Variants in GALNTL6 observed in about 807,000 individuals in gnomAD.
GALNTL6 encodes polypeptide N-acetylgalactosaminyltransferase like 6.
A neutral mutation model predicts 73.7 loss-of-function variants in GALNTL6; 46 were observed. That is an observed-to-expected ratio of 0.62 (90% confidence interval 0.49 to 0.80). The LOEUF (loss-of-function observed/expected upper bound fraction) is 0.80, where lower values mean the gene tolerates loss of function less well. GALNTL6 is among the 30% of genes least tolerant of loss of function. The pLI is 0.00. For synonymous variants in GALNTL6, 259 were observed against 263.7 expected (o/e 0.98, Z 0.17); for missense variants, 604 against 755.0 (o/e 0.80, Z 2.34).
At chr4:173,019,422 T>C (rs1579789196) in intron 11 of GALNTL6, among the ~76,000 whole-genome samples, 1 of 152,084 alleles carries the variant, frequency 6.6e-6, no homozygotes, top group Admixed American at 6.5e-5. Context: ...AGTGGAGAGA[T>C]GCATGAAAGA....
intron 9 of GALNTL6, among the ~76,000 whole-genome samples, chr4:172,947,796 T>C (rs1040247484): frequency 2.0e-5 from 3 of 152,196 alleles, no homozygotes; most frequent in African/African-American, 7.2e-5. Flanking sequence ...TATCTCTGTG[T>C]ATGTGAATGT....
chr4:172,284,310 A>G (rs1561005679), intron 3 of GALNTL6, among the ~76,000 whole-genome samples: 1 of 152,188 alleles, frequency 6.6e-6, no homozygotes, highest in Non-Finnish European at 1.5e-5. Flanking sequence ...TAAGGAGTAC[A>G]AGCTCAATTT....
intron 8 of GALNTL6, among the ~76,000 whole-genome samples, chr4:172,919,448 T>G (rs960156668): frequency 2.6e-5 from 4 of 152,172 alleles, no homozygotes; most frequent in African/African-American, 9.7e-5. Context: ...GCCACCATGA[T>G]GAAACCTCAG....
intron 5 of GALNTL6, among the ~76,000 whole-genome samples, chr4:172,523,822 TA>T (rs1734862913): frequency 1.3e-5 from 2 of 152,144 alleles, no homozygotes; most frequent in Admixed American, 1.3e-4. Flanking sequence ...TGCCTATCTT[TA>T]AAAAAATTGT....
intron 5 of GALNTL6, among the ~76,000 whole-genome samples, chr4:172,727,364 A>G (rs1735878615): frequency 6.6e-6 from 1 of 152,256 alleles, no homozygotes; most frequent in Non-Finnish European, 1.5e-5. Flanking sequence ...AGGAAGGATA[A>G]TTACTCACAA....
At chr4:172,242,791 C>T (rs1347353530) in intron 3 of GALNTL6, among the ~76,000 whole-genome samples, 1 of 152,170 alleles carries the variant, frequency 6.6e-6, no homozygotes, top group Non-Finnish European at 1.5e-5. Flanking sequence ...TATAGTGGTT[C>T]TTGAAAAGCA....
chr4:172,469,586 C>T (rs1732968706), intron 5 of GALNTL6, among the ~76,000 whole-genome samples: 1 of 152,180 alleles, frequency 6.6e-6, no homozygotes, highest in African/African-American at 2.4e-5. Flanking sequence ...GATTGTGCCA[C>T]TGCACTCCAG....
chr4:172,981,808 T>A (rs966868761), intron 10 of GALNTL6, among the ~76,000 whole-genome samples: 1 of 149,602 alleles, frequency 6.7e-6, no homozygotes, highest in Non-Finnish European at 1.5e-5. Flanking sequence ...TTTTTTTTTT[T>A]TTTTTTTTTT....
intron 3 of GALNTL6, among the ~76,000 whole-genome samples, chr4:172,281,665 C>T (rs538611633): frequency 3.9e-5 from 6 of 152,260 alleles, no homozygotes; most frequent in Admixed American, 2.0e-4. Context: ...GAGCCAAGAT[C>T]GCTCCACTGC....
chr4:172,639,724 A>G (rs536606264), intron 5 of GALNTL6, among the ~76,000 whole-genome samples: 28 of 151,912 alleles, frequency 1.8e-4, no homozygotes, highest in Non-Finnish European at 2.9e-4. Flanking sequence ...ATATGAATCA[A>G]CCTAATCAGA....
chr4:172,629,720 A>G (rs962146733), intron 5 of GALNTL6, among the ~76,000 whole-genome samples: 1 of 152,194 alleles, frequency 6.6e-6, no homozygotes, highest in African/African-American at 2.4e-5. Flanking sequence ...CCATAGGTAT[A>G]GATAGAAATG....
At chr4:172,566,281 A>G (rs1018798005) in intron 5 of GALNTL6, among the ~76,000 whole-genome samples, 1 of 152,182 alleles carries the variant, frequency 6.6e-6, no homozygotes, top group Non-Finnish European at 1.5e-5. Context: ...CAAGATAGAT[A>G]TTCTCTTAGT....
chr4:172,282,193 A>G (rs191742603), intron 3 of GALNTL6, among the ~76,000 whole-genome samples: 3 of 152,316 alleles, frequency 2.0e-5, no homozygotes, highest in Admixed American at 2.0e-4. Context: ...TGAAAACAAT[A>G]GATAATCCCA....
chr4:172,862,422 G>A (rs1744441738), intron 7 of GALNTL6, among the ~76,000 whole-genome samples: 1 of 152,192 alleles, frequency 6.6e-6, no homozygotes, highest in Admixed American at 6.5e-5. Context: ...TGGAAAATTT[G>A]CAGCCTGACA....
intron 2 of GALNTL6, among the ~76,000 whole-genome samples, chr4:171,981,680 G>A (rs1391642683): frequency 6.6e-6 from 1 of 152,032 alleles, no homozygotes; most frequent in Non-Finnish European, 1.5e-5. Flanking sequence ...GCAACATTTT[G>A]CATTACACAA....
At chr4:172,731,034 C>T (rs893779637) in intron 5 of GALNTL6, among the ~76,000 whole-genome samples, 23 of 150,020 alleles carry the variant, frequency 1.5e-4, no homozygotes, top group Admixed American at 3.3e-4. Context: ...AAGCCGAGAT[C>T]GCACCACTGC....
intron 2 of GALNTL6, among the ~76,000 whole-genome samples, chr4:171,900,480 TG>T (rs1298487633): frequency 9.0e-6 from 1 of 110,764 alleles, no homozygotes; most frequent in African/African-American, 4.2e-5. Flanking sequence ...GCTAATTTTT[TG>T]TATTTTTTTT....
At chr4:172,148,025 G>A (rs1410144022) in intron 2 of GALNTL6, among the ~76,000 whole-genome samples, 2 of 152,072 alleles carry the variant, frequency 1.3e-5, no homozygotes, top group East Asian at 3.8e-4. Context: ...CATGATGAAT[G>A]TATGATCAAC....
intron 5 of GALNTL6, among the ~76,000 whole-genome samples, chr4:172,450,074 A>G (rs1397094515): frequency 6.6e-6 from 1 of 151,958 alleles, no homozygotes; most frequent in Non-Finnish European, 1.5e-5. Flanking sequence ...AAAATTAGCC[A>G]GGTGTGGTGG....
Sources: gnomAD v4.1 joint callset for allele counts (sites outside exome capture counted in the v4.1 genomes callset) on GRCh38, gnomAD v4.1.1 for gene constraint, MANE v1.5 for transcripts, NCBI Gene and HGNC (gene_info 2026-07-23, HGNC 2026-07-21) for gene names.